ABCB11: variants seen among roughly 807,000 people sequenced by gnomAD.
ABCB11 encodes the protein ATP binding cassette subfamily B member 11, also known as bile salt export pump.
In ABCB11, 95 loss-of-function variants were observed where a neutral mutation model predicts 148.0. The ratio of observed to expected loss-of-function variants is 0.64; its 90% CI spans 0.54 to 0.76. ABCB11 has a LOEUF of 0.76. Among genes scored for constraint, ABCB11 ranks in the 30% least tolerant of loss-of-function variants. ABCB11 has a pLI of 0.00. For missense variants in ABCB11, 1,523 were observed against 1,617.8 expected, an observed-to-expected ratio of 0.94 and a Z score of 1.01; for synonymous variants, 591 against 555.4, an observed-to-expected ratio of 1.06 and a Z score of -0.90.
chr2:169,010,435 T>C (rs1323266205), intron 5 of ABCB11, among the ~76,000 whole-genome samples: 5 of 152,126 alleles, frequency 3.3e-5, no homozygotes, highest in African/African-American at 1.2e-4. Flanking sequence ...AAAAATTCCA[T>C]CTACTAGATT....
chr2:169,024,928 T>G (rs921210457), intron 1 of ABCB11, among the ~76,000 whole-genome samples: 2 of 152,182 alleles, frequency 1.3e-5, no homozygotes, highest in Non-Finnish European at 1.5e-5. Context: ...CAAAGTTATT[T>G]TATTCAAGAA....
At chr2:169,017,613 T>G (rs1558930077) in intron 2 of ABCB11, among the ~76,000 whole-genome samples, 1 of 152,022 alleles carries the variant, frequency 6.6e-6, no homozygotes. Flanking sequence ...AACAATAGCT[T>G]AGAACCATCT....
At chr2:169,028,590 G>T (rs1695770094) in intron 1 of ABCB11, among the ~76,000 whole-genome samples, 1 of 152,170 alleles carries the variant, frequency 6.6e-6, no homozygotes, top group African/African-American at 2.4e-5. Context: ...TCGGGAGGAT[G>T]TGGCTGGTTG....
chr2:168,969,344 A>T lies in ABCB11; in HGVS notation c.2011+6T>A. 1 of 1,609,666 alleles carries T rather than the reference A, an allele frequency of 6.2e-7. No individual in the cohort carries two copies. Among genetic ancestry groups the T allele is most frequent in the Non-Finnish European group, 8.5e-7 (1 of 1,177,480 alleles). On this transcript the variant is annotated splice_donor_region_variant and intron_variant, in intron 16 of 27. Transcript: ENST00000650372. ...TAACATACAAGTATAGGGAAAAAGC[A>T]CTTGCCCTTTATGTCCTCTTCATTA...
chr2:168,958,628 T>C (rs1048418946), intron 18 of ABCB11, among the ~76,000 whole-genome samples: 2 of 144,042 alleles, frequency 1.4e-5, no homozygotes, highest in Non-Finnish European at 3.1e-5. Context: ...ACAGTTATCA[T>C]TGAGATGTTT....
intron 5 of ABCB11, among the ~76,000 whole-genome samples, chr2:169,003,992 A>G (rs1406738131): frequency 1.3e-5 from 2 of 152,150 alleles, no homozygotes. Context: ...AATCCCTTCT[A>G]GCTTGTAGGG....
intron 1 of ABCB11, among the ~76,000 whole-genome samples, chr2:169,019,664 T>C (rs186765099): frequency 7.2e-5 from 11 of 152,274 alleles, no homozygotes; most frequent in African/African-American, 2.4e-4. Context: ...ACCTGTGTTG[T>C]TCAAGAATCA....
intron 7 of ABCB11, 139 bp from the exon 8 acceptor site, chr2:168,994,021 A>G: frequency 1.4e-6 from 1 of 701,896 alleles, no homozygotes; most frequent in Non-Finnish European, 2.3e-6. Context: ...AGCCTCTCAG[A>G]TCTTGGAAAA....
downstream of ABCB11, among the ~76,000 whole-genome samples, chr2:168,919,345 G>A (rs147660662): frequency 1.2e-4 from 18 of 151,924 alleles, no homozygotes; most frequent in South Asian, 1.9e-3. Context: ...CTTCTATTAC[G>A]CATTGCTAAC....
Position 169,013,399 on chromosome 2 carries a change from C to T in ABCB11, c.262G>A (p.Asp88Asn), listed in dbSNP as rs765841779. 1 of 1,613,830 alleles carries T rather than the reference C, an allele frequency of 6.2e-7. No individual in the cohort carries two copies. Among genetic ancestry groups the T allele is most frequent in the Admixed American group, 1.7e-5 (1 of 59,994 alleles). The change falls in exon 5 of 28, where the codon GAT (aspartate) becomes AAT (asparagine). Residue 88 changes from aspartate to asparagine, a missense_variant. Transcript: ENST00000650372. ...GVLLIFGTMT[D>N]VFIDYDVELQ... ...TCAACGTCGTAGTCAATAAAAACAT[C>T]TGTCATTGTGCCAAAAATGAGTAGC...
At chr2:169,023,544 T>A (rs917657438) in intron 1 of ABCB11, among the ~76,000 whole-genome samples, 8 of 152,296 alleles carry the variant, frequency 5.3e-5, no homozygotes, top group African/African-American at 1.7e-4. Flanking sequence ...GATTCAATAA[T>A]CTATAGAATA....
At chr2:168,964,182 C>T in intron 18 of ABCB11, 24 bp downstream of exon 18, 1 of 1,514,634 alleles carries the variant, frequency 6.6e-7, no homozygotes, top group Non-Finnish European at 9.0e-7. Flanking sequence ...TTCCATTCCC[C>T]CCCATAAGCA....
At chr2:168,986,087 C>T in intron 10 of ABCB11, 23 bp downstream of exon 10, 4 of 1,524,336 alleles carry the variant, frequency 2.6e-6, no homozygotes, top group Non-Finnish European at 3.5e-6. Flanking sequence ...AATGCTATGT[C>T]TCGGTCAATA....
At chr2:169,000,855 TTC>T (rs1209439146) in intron 5 of ABCB11, among the ~76,000 whole-genome samples, 1 of 152,180 alleles carries the variant, frequency 6.6e-6, no homozygotes, top group Non-Finnish European at 1.5e-5. Flanking sequence ...ATATGTCATT[TTC>T]TTTCTTGTTT....
At chr2:169,025,707 A>T (rs578143789) in intron 1 of ABCB11, among the ~76,000 whole-genome samples, 2 of 152,226 alleles carry the variant, frequency 1.3e-5, no homozygotes, top group Admixed American at 6.5e-5. Flanking sequence ...TTTTACTGTT[A>T]AAAGTTACAT....
intron 1 of ABCB11, among the ~76,000 whole-genome samples, chr2:169,027,566 C>T (rs573020278): frequency 1.3e-5 from 2 of 152,262 alleles, no homozygotes; most frequent in African/African-American, 2.4e-5. Flanking sequence ...GACCTCACTG[C>T]TGGGGAGGAG....
At chr2:169,030,953 C>A (rs1446115876) in intron 1 of ABCB11, among the ~76,000 whole-genome samples, 1 of 151,804 alleles carries the variant, frequency 6.6e-6, no homozygotes, top group Non-Finnish European at 1.5e-5. Context: ...GCCATTTGTA[C>A]CACACACCCA....
chr2:168,940,543 A>G (rs1692018531), intron 21 of ABCB11, among the ~76,000 whole-genome samples: 1 of 152,116 alleles, frequency 6.6e-6, no homozygotes, highest in South Asian at 2.1e-4. Flanking sequence ...GGTTTAAGGA[A>G]AAAAGCATCT....
At chr2:168,995,137 C>G (rs1040610457) in intron 7 of ABCB11, among the ~76,000 whole-genome samples, 1 of 151,998 alleles carries the variant, frequency 6.6e-6, no homozygotes, top group Admixed American at 6.6e-5. Context: ...TTAAGGTCTA[C>G]ACACCAAATT....
Sources: allele counts gnomAD v4.1 joint callset (sites outside exome capture counted in the v4.1 genomes callset), GRCh38; gene constraint gnomAD v4.1.1; transcripts MANE v1.5; gene names NCBI Gene and HGNC (gene_info 2026-07-23, HGNC 2026-07-21).